Variants in PTPRT observed in about 807,000 individuals in gnomAD.
The protein encoded by PTPRT is protein tyrosine phosphatase receptor type T, also known as receptor-type tyrosine-protein phosphatase T.
A neutral mutation model predicts 176.8 loss-of-function variants in PTPRT; 56 were observed. That is an observed-to-expected ratio of 0.32 (90% CI 0.26 to 0.40). The LOEUF (loss-of-function observed/expected upper bound fraction) is 0.40. PTPRT is among the 10% of genes least tolerant of loss of function. The probability of loss-of-function intolerance (pLI) is 1.00; values close to 1 mark genes in which losing one functional copy is unlikely to be tolerated. For missense variants in PTPRT, 1,540 were observed against 1,908.2 expected (o/e 0.81, Z 3.60); for synonymous variants, 783 against 739.0 (o/e 1.06, Z -0.96).
chr20:42,437,523 T>A (rs8125556), intron 9 of PTPRT, among the ~76,000 whole-genome samples: 92 of 151,846 alleles, frequency 6.1e-4, no homozygotes, highest in African/African-American at 1.9e-3. Context: ...ATTTTCTTTA[T>A]GCCATCTTGA....
At chr20:42,643,864 G>T (rs1157946098) in intron 7 of PTPRT, among the ~76,000 whole-genome samples, 1 of 151,212 alleles carries the variant, frequency 6.6e-6, no homozygotes, top group Non-Finnish European at 1.5e-5. Flanking sequence ...AGCCAGGCCA[G>T]GCATCATGAA....
intron 1 of PTPRT, among the ~76,000 whole-genome samples, chr20:43,034,446 A>G (rs538656913): frequency 6.6e-6 from 1 of 152,068 alleles, no homozygotes; most frequent in East Asian, 1.9e-4. Flanking sequence ...TACTGCAGAA[A>G]AAGTCAGGAC....
intron 7 of PTPRT, among the ~76,000 whole-genome samples, chr20:42,578,408 T>C (rs906704382): frequency 1.3e-5 from 2 of 152,188 alleles, no homozygotes; most frequent in African/African-American, 4.8e-5. Flanking sequence ...CAGATGTGAT[T>C]GCAATGAAGG....
intron 2 of PTPRT, among the ~76,000 whole-genome samples, chr20:42,876,208 A>C (rs1330310272): frequency 6.6e-6 from 1 of 152,236 alleles, no homozygotes; most frequent in Non-Finnish European, 1.5e-5. Context: ...TAAAGAGGAA[A>C]GAAAAAAATG....
intron 8 of PTPRT, among the ~76,000 whole-genome samples, chr20:42,468,903 T>G (rs2071145331): frequency 6.6e-6 from 1 of 152,212 alleles, no homozygotes; most frequent in South Asian, 2.1e-4. Context: ...GCCCTGACTC[T>G]GTTTCTCATA....
chr20:42,981,535 G>A (rs1274996617), intron 1 of PTPRT, among the ~76,000 whole-genome samples: 13 of 152,222 alleles, frequency 8.5e-5, no homozygotes, highest in Admixed American at 7.8e-4. Flanking sequence ...GTTGCACTTG[G>A]AAGCCTGAGA....
At chr20:42,792,258 C>T (rs957357378) in intron 2 of PTPRT, among the ~76,000 whole-genome samples, 8 of 152,214 alleles carry the variant, frequency 5.3e-5, no homozygotes, top group Non-Finnish European at 1.2e-4. Flanking sequence ...TGCACAGTTC[C>T]ATGAGAGCTA....
intron 7 of PTPRT, among the ~76,000 whole-genome samples, chr20:42,495,227 T>C (rs2071632858): frequency 6.6e-6 from 1 of 152,208 alleles, no homozygotes; most frequent in African/African-American, 2.4e-5. Context: ...AGGAAAGTGC[T>C]ACACTCTTAA....
chr20:43,046,607 T>C (rs1309080544), intron 1 of PTPRT, among the ~76,000 whole-genome samples: 1 of 151,724 alleles, frequency 6.6e-6, no homozygotes, highest in East Asian at 1.9e-4. Flanking sequence ...ACAGCGGGAC[T>C]GAGGTCGGGC....
chr20:42,870,954 C>CT (rs61532865), intron 2 of PTPRT, among the ~76,000 whole-genome samples: 4,854 of 140,366 alleles, frequency 0.035, 156 homozygotes, highest in African/African-American at 0.083. Flanking sequence ...ATTTTCTTTT[C>CT]TTTTTTTTTT....
At chr20:43,036,877 G>A (rs1036909978) in intron 1 of PTPRT, among the ~76,000 whole-genome samples, 2 of 152,138 alleles carry the variant, frequency 1.3e-5, no homozygotes, top group Non-Finnish European at 1.5e-5. Context: ...CAACTTATAA[G>A]TTTAAAAAAT....
chr20:42,303,769 G>T (rs1457334480), intron 12 of PTPRT, among the ~76,000 whole-genome samples: 1 of 152,140 alleles, frequency 6.6e-6, no homozygotes, highest in Non-Finnish European at 1.5e-5. Context: ...CTACGATGGT[G>T]GCACTGGAGA....
At chr20:42,561,714 G>A (rs527688842) in intron 7 of PTPRT, among the ~76,000 whole-genome samples, 53 of 152,290 alleles carry the variant, frequency 3.5e-4, no homozygotes, top group African/African-American at 1.2e-3. Context: ...AAAGGAGTGA[G>A]GGATCAGGAG....
intron 1 of PTPRT, among the ~76,000 whole-genome samples, chr20:43,083,457 T>C (rs899461597): frequency 3.4e-5 from 5 of 148,386 alleles, no homozygotes; most frequent in Non-Finnish European, 7.4e-5. Flanking sequence ...GCCTCCTGGG[T>C]TCAAGCACTT....
intron 1 of PTPRT, among the ~76,000 whole-genome samples, chr20:43,172,582 C>T (rs2015029320): frequency 6.6e-6 from 1 of 152,212 alleles, no homozygotes; most frequent in Non-Finnish European, 1.5e-5. Flanking sequence ...TGTTTTCTTG[C>T]ATTTATGATG....
chr20:42,874,093 G>A (rs2078890468), intron 2 of PTPRT, among the ~76,000 whole-genome samples: 1 of 152,152 alleles, frequency 6.6e-6, no homozygotes, highest in South Asian at 2.1e-4. Context: ...GGTCCACGAA[G>A]ACATCGCCTA....
At chr20:42,721,310 GA>G (rs1282140225) in intron 6 of PTPRT, among the ~76,000 whole-genome samples, 2 of 152,204 alleles carry the variant, frequency 1.3e-5, no homozygotes, top group African/African-American at 2.4e-5. Flanking sequence ...GATGTCAAGG[GA>G]AGTGCATGAT....
At chr20:42,998,628 A>C (rs573109034) in intron 1 of PTPRT, among the ~76,000 whole-genome samples, 1 of 152,216 alleles carries the variant, frequency 6.6e-6, no homozygotes, top group Non-Finnish European at 1.5e-5. Flanking sequence ...GAATCAAAAG[A>C]ACTTTTATCA....
At chr20:42,948,958 G>A (rs1344619358) in intron 1 of PTPRT, among the ~76,000 whole-genome samples, 2 of 152,080 alleles carry the variant, frequency 1.3e-5, no homozygotes, top group Non-Finnish European at 2.9e-5. Flanking sequence ...CCCAAATCTG[G>A]CTTGATTAAA....
Sources: allele counts gnomAD v4.1 joint callset (sites outside exome capture counted in the v4.1 genomes callset), GRCh38; gene constraint gnomAD v4.1.1; transcripts MANE v1.5; gene names NCBI Gene and HGNC (gene_info 2026-07-23, HGNC 2026-07-21).